The following ELAVL4 variants were observed in gnomAD, a reference collection of about 807,000 sequenced individuals.
ELAVL4 encodes the protein ELAV like RNA binding protein 4, also known as ELAV-like protein 4.
A neutral mutation model predicts 35.6 loss-of-function variants in ELAVL4; 1 was observed. The ratio of observed to expected loss-of-function variants is 0.03; its 90% confidence interval spans 0.01 to 0.13. The LOEUF (loss-of-function observed/expected upper bound fraction) is 0.13, where lower values mean the gene tolerates loss of function less well. Ranked by LOEUF, ELAVL4 falls within the 10% of genes least tolerant of loss-of-function variation. The pLI, the probability that ELAVL4 is intolerant of heterozygous loss-of-function variation, is 1.00. For missense variants in ELAVL4, 267 were observed against 464.9 expected, an observed-to-expected ratio of 0.57 and a Z score of 3.91; for synonymous variants, 156 against 171.0, an observed-to-expected ratio of 0.91 and a Z score of 0.69.
intron 1 of ELAVL4, among the ~76,000 whole-genome samples, chr1:50,128,525 C>A (rs1174873176): frequency 6.6e-6 from 1 of 152,100 alleles, no homozygotes; most frequent in Non-Finnish European, 1.5e-5. Flanking sequence ...CAGTCGCAGT[C>A]CTCAAGGAGC....
chr1:50,068,071 A>G (rs1664348158), intron 1 of ELAVL4, among the ~76,000 whole-genome samples: 2 of 152,272 alleles, frequency 1.3e-5, no homozygotes, highest in African/African-American at 4.8e-5. Context: ...CAGCCAAACC[A>G]TATCACTTAT....
intron 1 of ELAVL4, chr1:50,048,312 G>T: frequency 8.2e-7 from 1 of 1,219,974 alleles, no homozygotes; most frequent in Non-Finnish European, 1.1e-6. Context: ...TCCCAGGGAG[G>T]GGGAGAGGGC....
chr1:50,156,211 T>C (rs1469498621), intron 2 of ELAVL4, among the ~76,000 whole-genome samples: 1 of 152,214 alleles, frequency 6.6e-6, no homozygotes, highest in Non-Finnish European at 1.5e-5. Flanking sequence ...CCCCACCCCA[T>C]ACTTGATAGA....
At chr1:50,080,520 A>G (rs903844386) in intron 1 of ELAVL4, among the ~76,000 whole-genome samples, 1 of 152,190 alleles carries the variant, frequency 6.6e-6, no homozygotes, top group African/African-American at 2.4e-5. Flanking sequence ...ATATGTGTAT[A>G]TATTTCTAAC....
At chr1:50,137,514 G>GGGAAGGAA (rs377587809) in intron 1 of ELAVL4, among the ~76,000 whole-genome samples, 2 of 151,482 alleles carry the variant, frequency 1.3e-5, no homozygotes, top group South Asian at 2.1e-4. Flanking sequence ...TCAAAAAAAA[G>GGGAAGGAA]GGAAGGAAGG....
chr1:50,055,489 C>T (rs940953825), intron 1 of ELAVL4, among the ~76,000 whole-genome samples: 2 of 151,816 alleles, frequency 1.3e-5, no homozygotes, highest in Admixed American at 6.5e-5. Context: ...TTAGTAGAGA[C>T]GGGGTTTCAC....
chr1:50,062,919 C>T (rs4259707), intron 1 of ELAVL4, among the ~76,000 whole-genome samples: 35,335 of 152,008 alleles, frequency 0.23, 4,313 homozygotes, highest in East Asian at 0.41. Flanking sequence ...TTAAGTCTAC[C>T]AACCCATATT....
chr1:50,079,044 AT>A (rs1664887978), intron 1 of ELAVL4, among the ~76,000 whole-genome samples: 1 of 152,142 alleles, frequency 6.6e-6, no homozygotes, highest in East Asian at 1.9e-4. Flanking sequence ...AGTCTGGGTG[AT>A]TCATTTGCCA....
intron 1 of ELAVL4, among the ~76,000 whole-genome samples, chr1:50,057,850 G>T (rs924295863): frequency 2.6e-5 from 4 of 152,186 alleles, no homozygotes; most frequent in African/African-American, 9.6e-5. Flanking sequence ...TTACCATGTT[G>T]TTTGGGACAT....
intron 1 of ELAVL4, among the ~76,000 whole-genome samples, chr1:50,118,281 TTC>T (rs980405766): frequency 3.3e-5 from 5 of 152,104 alleles, no homozygotes; most frequent in African/African-American, 9.7e-5. Flanking sequence ...AACTTTGAAG[TTC>T]TGTTTCTCAC....
intron 1 of ELAVL4, among the ~76,000 whole-genome samples, chr1:50,093,568 G>T (rs1424574799): frequency 6.6e-6 from 1 of 152,160 alleles, no homozygotes; most frequent in Non-Finnish European, 1.5e-5. Context: ...TATGCCTGTT[G>T]TCTTGTTGTA....
At chr1:50,163,269 ATACTC>A (rs1246344578) in intron 2 of ELAVL4, among the ~76,000 whole-genome samples, 7 of 152,160 alleles carry the variant, frequency 4.6e-5, no homozygotes, top group African/African-American at 1.7e-4. Flanking sequence ...ACACTTAACT[ATACTC>A]TACTATCACT....
chr1:50,065,715 T>A (rs565232541), intron 1 of ELAVL4, among the ~76,000 whole-genome samples: 1 of 152,266 alleles, frequency 6.6e-6, no homozygotes, highest in South Asian at 2.1e-4. Context: ...TGCTCATGAG[T>A]CTACAAGTCA....
chr1:50,100,367 A>G (rs1028596508), upstream of ELAVL4, among the ~76,000 whole-genome samples: 2 of 152,212 alleles, frequency 1.3e-5, no homozygotes, highest in African/African-American at 4.8e-5. Flanking sequence ...AGGAGGTTGG[A>G]ATAGATTCAG....
At chr1:50,053,050 G>T (rs146849227) in intron 1 of ELAVL4, among the ~76,000 whole-genome samples, 1 of 152,234 alleles carries the variant, frequency 6.6e-6, no homozygotes, top group African/African-American at 2.4e-5. Flanking sequence ...TTCACAGTAT[G>T]TTAATTGCAA....
intron 1 of ELAVL4, among the ~76,000 whole-genome samples, chr1:50,090,731 C>A (rs1209934626): frequency 1.3e-5 from 2 of 152,138 alleles, no homozygotes; most frequent in African/African-American, 4.8e-5. Context: ...GTGAAGATGG[C>A]ACATCATAGA....
chr1:50,149,327 G>C (rs1674314269), intron 2 of ELAVL4, among the ~76,000 whole-genome samples: 1 of 151,766 alleles, frequency 6.6e-6, no homozygotes, highest in Non-Finnish European at 1.5e-5. Context: ...GAATCTGGGA[G>C]GCGGAGGTTG....
At chr1:50,090,318 A>G (rs1269855715) in intron 1 of ELAVL4, among the ~76,000 whole-genome samples, 1 of 152,206 alleles carries the variant, frequency 6.6e-6, no homozygotes, top group African/African-American at 2.4e-5. Context: ...CTGCATTCTC[A>G]CACTACTCTT....
intron 1 of ELAVL4, among the ~76,000 whole-genome samples, chr1:50,071,825 G>A (rs1664538411): frequency 6.6e-6 from 1 of 152,234 alleles, no homozygotes; most frequent in South Asian, 2.1e-4. Context: ...GGAGAAATGG[G>A]AGGAGGAGAG....
Sources: allele counts gnomAD v4.1 joint callset (sites outside exome capture counted in the v4.1 genomes callset), GRCh38; gene constraint gnomAD v4.1.1; transcripts MANE v1.5; gene names NCBI Gene and HGNC (gene_info 2026-07-23, HGNC 2026-07-21).